The following MPDZ variants were observed in gnomAD, a reference collection of about 807,000 sequenced individuals.
The protein encoded by MPDZ is multiple PDZ domain protein.
In MPDZ, 234 loss-of-function variants were observed where a neutral mutation model predicts 239.1. The ratio of observed to expected loss-of-function variants is 0.98; its 90% CI spans 0.88 to 1.09. MPDZ has a LOEUF of 1.09. Among genes scored for constraint, MPDZ ranks in the 50% least tolerant of loss-of-function variants. MPDZ has a pLI of 0.00. For missense variants in MPDZ, 3,175 were observed against 2,510.0 expected (o/e 1.26, Z -5.66); for synonymous variants, 1,048 against 881.3 (o/e 1.19, Z -3.35).
At chr9:13,247,242 C>T (rs1054068283) in intron 3 of MPDZ, among the ~76,000 whole-genome samples, 2 of 152,140 alleles carry the variant, frequency 1.3e-5, no homozygotes, top group Admixed American at 6.6e-5. Context: ...TGCAAATCCA[C>T]GCTTATCTGA....
intron 1 of MPDZ, among the ~76,000 whole-genome samples, chr9:13,254,457 T>C (rs1179822992): frequency 6.6e-6 from 1 of 152,208 alleles, no homozygotes; most frequent in Non-Finnish European, 1.5e-5. Flanking sequence ...GAATTAAGAA[T>C]ACACAGTATA....
In MPDZ at chr9:13,129,650, G is replaced by C. The variant is rs185436059; in HGVS notation, c.4465-2878C>G. Among the ~76,000 whole-genome samples the C allele has an allele frequency of 4.0e-4, 61 of 151,996 alleles. 1 individual carries two copies. The South Asian group carries it at 5.6e-3, about 14-fold the overall frequency. ...AAGAGATCTGAGATATTTTGTTTGGGGCTAGTTATTAAAACACTACCATAC... is the reference window on the plus strand; with the variant it reads ...AAGAGATCTGAGATATTTTGTTTGGCGCTAGTTATTAAAACACTACCATAC... On this transcript the variant is annotated intron_variant, in intron 32 of 46. Transcript: ENST00000319217.
chr9:13,192,387 A>G (rs1029020313), intron 14 of MPDZ, 92 bp from the exon 15 acceptor site: 1 of 1,132,780 alleles, frequency 8.8e-7, no homozygotes, highest in South Asian at 1.6e-5. Flanking sequence ...AAATTTTACT[A>G]TAGTCATTAC....
At chr9:13,235,270 T>C (rs1054391285) in intron 3 of MPDZ, among the ~76,000 whole-genome samples, 3 of 152,204 alleles carry the variant, frequency 2.0e-5, no homozygotes, top group African/African-American at 7.2e-5. Flanking sequence ...TCCTAGCTCC[T>C]GAACTAAATG....
At chr9:13,116,203 C>T (rs1037811147) in intron 39 of MPDZ, among the ~76,000 whole-genome samples, 3 of 152,114 alleles carry the variant, frequency 2.0e-5, no homozygotes, top group African/African-American at 7.2e-5. Flanking sequence ...GCCGCACAGT[C>T]TAATATGAAG....
chr9:13,228,326 AC>A (rs1961275880), intron 3 of MPDZ, among the ~76,000 whole-genome samples: 1 of 152,070 alleles, frequency 6.6e-6, no homozygotes, highest in Non-Finnish European at 1.5e-5. Flanking sequence ...CTAAAACATA[AC>A]CTAAATATTA....
chr9:13,121,876 T>C lies in MPDZ; in HGVS notation c.5094A>G (p.Arg1698=). ...ATHDEAINVL[R]QTPQRVRLTL... is the part of the protein sequence containing the mutation. ...TCAGGCGCACTCTCTGTGGCGTCTG[T>C]CTCAGGACATTGATTGCTTCATCAT... Residue 1698 remains arginine (R), a synonymous_variant, in exon 38 of 47, where the codon AGA becomes AGG. Transcript: ENST00000319217. 1 of 1,613,938 alleles carries C rather than the reference T, an allele frequency of 6.2e-7. No individual in the cohort carries two copies.
intron 16 of MPDZ, among the ~76,000 whole-genome samples, chr9:13,189,367 T>C (rs531319190): frequency 6.6e-6 from 1 of 152,254 alleles, no homozygotes; most frequent in Admixed American, 6.6e-5. Context: ...AGGGTGTTAC[T>C]GTATGGAACA....
At chr9:13,217,038 CCTACA>C in intron 9 of MPDZ, 137 bp downstream of exon 9, 2 of 780,842 alleles carry the variant, frequency 2.6e-6, no homozygotes, top group South Asian at 3.8e-5. Context: ...ATAAGAGTCA[CCTACA>C]CTAAATTATT....
chr9:13,174,774 G>A (rs916457311), intron 21 of MPDZ, among the ~76,000 whole-genome samples: 10 of 152,026 alleles, frequency 6.6e-5, no homozygotes, highest in Non-Finnish European at 1.3e-4. Context: ...TAAACATAAC[G>A]TACATAAGAA....
chr9:13,196,769 CAA>C (rs1339401735), intron 12 of MPDZ, among the ~76,000 whole-genome samples: 2 of 151,770 alleles, frequency 1.3e-5, no homozygotes, highest in Admixed American at 1.3e-4. Context: ...CAATAATTTA[CAA>C]AAAGAGAAAT....
At chr9:13,114,171 T>G in intron 40 of MPDZ, 150 bp from the exon 41 acceptor site, 1 of 680,130 alleles carries the variant, frequency 1.5e-6, no homozygotes, top group South Asian at 1.9e-5. Context: ...CAGTTCCTAC[T>G]GATTTTTTTT....
chr9:13,136,045 C>G (rs1320377169), intron 31 of MPDZ, 47 bp downstream of exon 31: 1 of 1,214,312 alleles, frequency 8.2e-7, no homozygotes, highest in Admixed American at 1.9e-5. Flanking sequence ...TAATAAGGCT[C>G]ACATCAATCA....
Position 13,140,281 on chromosome 9 carries a change from T to C in MPDZ, c.3841-132A>G, listed in dbSNP as rs374456338. 191 of 582,622 alleles carry C rather than the reference T, an allele frequency of 3.3e-4. 1 individual carries two copies. The South Asian group carries it at 5.8e-3, about 18-fold the overall frequency. 36.1% of individuals were successfully genotyped at this position (582,622 alleles called of 1,614,324 possible). ...TCTAACAAATAATGGAAAGCTCATATATGTATATAATATATATATAAAATA... is the reference window on the plus strand; with the variant it reads ...TCTAACAAATAATGGAAAGCTCATACATGTATATAATATATATATAAAATA... On this transcript the variant is annotated intron_variant, in intron 27 of 46. Coordinates refer to ENST00000319217, the MANE Select transcript of MPDZ (RefSeq NM_001378778.1).
chr9:13,256,366 C>T (rs887237390), intron 1 of MPDZ, among the ~76,000 whole-genome samples: 2 of 152,184 alleles, frequency 1.3e-5, no homozygotes, highest in Non-Finnish European at 2.9e-5. Flanking sequence ...TCCTTCAAGA[C>T]CTTTTCCTTT....
At chr9:13,155,206 G>A (rs958584946) in intron 24 of MPDZ, among the ~76,000 whole-genome samples, 1 of 150,006 alleles carries the variant, frequency 6.7e-6, no homozygotes, top group Admixed American at 6.6e-5. Context: ...AACAGAGTGA[G>A]ACTCTGTCTC....
intron 22 of MPDZ, chr9:13,165,634 C>A: frequency 2.3e-6 from 1 of 436,616 alleles, no homozygotes; most frequent in South Asian, 5.8e-5. Context: ...AAAAATGTAA[C>A]TGCAATCAGT....
intron 3 of MPDZ, among the ~76,000 whole-genome samples, chr9:13,232,118 C>T (rs1353796341): frequency 4.6e-5 from 7 of 152,026 alleles, no homozygotes; most frequent in African/African-American, 1.4e-4. Flanking sequence ...AGTATAAAGA[C>T]TAGAATTGAA....
rs1947106575 is a variant in MPDZ, at chr9:13,138,086, A to G, written c.4071T>C (p.His1357=). The change falls in exon 29 of 47, where the codon CAT becomes CAC. Residue 1357 remains histidine (H), a synonymous_variant. Transcript: ENST00000319217. ...CAGCAAGACTTAGGCCCAAACCACT[A>G]TGACCTTTCTCCAGTTCAATCATAT... ...ELHMIELEKG[H]SGLGLSLAGN... is the part of the protein sequence containing the mutation. 3 of 1,613,592 alleles carry G rather than the reference A, an allele frequency of 1.9e-6. No homozygotes were observed. Among genetic ancestry groups the G allele is most frequent in the Non-Finnish European group, 2.5e-6 (3 of 1,179,698 alleles).
Sources: gnomAD v4.1 joint callset for allele counts (sites outside exome capture counted in the v4.1 genomes callset) on GRCh38, gnomAD v4.1.1 for gene constraint, MANE v1.5 for transcripts, NCBI Gene and HGNC (gene_info 2026-07-23, HGNC 2026-07-21) for gene names.